Variants in ZNF385D observed in about 807,000 individuals in gnomAD.
The protein encoded by ZNF385D is zinc finger protein 385D.
ZNF385D carries 15 observed loss-of-function variants against 35.8 expected under a neutral mutation model. The observed-to-expected ratio is 0.42, with a 90% CI of 0.28 to 0.64. The LOEUF (loss-of-function observed/expected upper bound fraction) is 0.64, where lower values mean the gene tolerates loss of function less well. Among genes scored for constraint, ZNF385D ranks in the 30% least tolerant of loss-of-function variants. The pLI is 0.23. For missense variants in ZNF385D, 474 were observed against 494.6 expected (o/e 0.96, Z 0.39); for synonymous variants, 212 against 186.8 (o/e 1.13, Z -1.10).
intron 3 of ZNF385D, among the ~76,000 whole-genome samples, chr3:21,976,326 G>A (rs1163810789): frequency 2.0e-5 from 3 of 151,976 alleles, no homozygotes; most frequent in Non-Finnish European, 4.4e-5. Flanking sequence ...AAATACTACA[G>A]TAATAAGAAA....
chr3:21,636,413 T>TAG (rs1553628039), intron 2 of ZNF385D, among the ~76,000 whole-genome samples: 10 of 25,630 alleles, frequency 3.9e-4, no homozygotes, highest in East Asian at 1.3e-3. Context: ...TATATATATA[T>TAG]AGAGTTTCTT....
At chr3:21,808,668 A>G (rs188044666) in intron 3 of ZNF385D, among the ~76,000 whole-genome samples, 4 of 152,154 alleles carry the variant, frequency 2.6e-5, no homozygotes, top group Admixed American at 2.0e-4. Flanking sequence ...GGGGCAAATC[A>G]CCTCTTTTCC....
At chr3:21,507,544 T>G (rs1706871334) in intron 4 of ZNF385D, among the ~76,000 whole-genome samples, 2 of 152,162 alleles carry the variant, frequency 1.3e-5, no homozygotes, top group Admixed American at 1.3e-4. Flanking sequence ...GATTCTAGAG[T>G]CTTATCTACC....
At chr3:21,744,363 T>C (rs1400219836) in intron 1 of ZNF385D, among the ~76,000 whole-genome samples, 1 of 152,208 alleles carries the variant, frequency 6.6e-6, no homozygotes, top group Non-Finnish European at 1.5e-5. Flanking sequence ...CCACTTTCCC[T>C]CATCAGCAAA....
At chr3:21,582,011 AT>A in intron 2 of ZNF385D, among the ~76,000 whole-genome samples, 2 of 152,214 alleles carry the variant, frequency 1.3e-5, no homozygotes, top group African/African-American at 4.8e-5. Flanking sequence ...TCTTCCACCA[AT>A]AAATAATTTT....
chr3:22,034,588 CAT>C, intron 3 of ZNF385D, among the ~76,000 whole-genome samples: 1 of 152,096 alleles, frequency 6.6e-6, no homozygotes, highest in East Asian at 1.9e-4. Flanking sequence ...GTATTAATAT[CAT>C]ATATTTAAGA....
At chr3:22,326,038 C>T (rs549424804) in intron 2 of ZNF385D, among the ~76,000 whole-genome samples, 1 of 152,292 alleles carries the variant, frequency 6.6e-6, no homozygotes, top group East Asian at 1.9e-4. Context: ...TCCCTCCTCC[C>T]TGTCTCCAAT....
At chr3:21,913,394 A>G (rs1700057279) in intron 3 of ZNF385D, among the ~76,000 whole-genome samples, 1 of 152,018 alleles carries the variant, frequency 6.6e-6, no homozygotes, top group Non-Finnish European at 1.5e-5. Context: ...CATTTCCCCA[A>G]CCTGATGTTA....
chr3:22,122,893 A>G (rs564547843), intron 3 of ZNF385D, among the ~76,000 whole-genome samples: 3 of 152,360 alleles, frequency 2.0e-5, no homozygotes, highest in East Asian at 3.9e-4. Flanking sequence ...GTAAAGCAGT[A>G]TGGGTGAACG....
intron 3 of ZNF385D, among the ~76,000 whole-genome samples, chr3:21,956,860 T>C (rs1230669257): frequency 2.6e-5 from 4 of 151,796 alleles, no homozygotes; most frequent in Non-Finnish European, 5.9e-5. Context: ...ACAGTCTCTC[T>C]CCATCAGGTG....
intron 2 of ZNF385D, among the ~76,000 whole-genome samples, chr3:22,355,781 C>G (rs531328903): frequency 1.3e-5 from 2 of 151,908 alleles, no homozygotes; most frequent in East Asian, 1.9e-4. Context: ...TGTCCTTAAC[C>G]CAAGGAATAA....
At chr3:22,294,760 A>C (rs1702480606) in intron 2 of ZNF385D, among the ~76,000 whole-genome samples, 1 of 152,142 alleles carries the variant, frequency 6.6e-6, no homozygotes, top group African/African-American at 2.4e-5. Context: ...ATGTTGTAAG[A>C]ATTCAAAATT....
chr3:21,743,622 C>T (rs1185868205), intron 1 of ZNF385D, among the ~76,000 whole-genome samples: 4 of 152,228 alleles, frequency 2.6e-5, no homozygotes, highest in Non-Finnish European at 5.9e-5. Flanking sequence ...GCTCTCACAT[C>T]TTCCTTTTCT....
chr3:21,619,403 CGTGT>C (rs1381094841), intron 2 of ZNF385D, among the ~76,000 whole-genome samples: 4 of 140,582 alleles, frequency 2.8e-5, no homozygotes, highest in African/African-American at 1.2e-4. Flanking sequence ...TAGTTGTCAT[CGTGT>C]GTGTGCGTGT....
At chr3:21,869,862 G>A (rs1464185982) in intron 3 of ZNF385D, among the ~76,000 whole-genome samples, 2 of 152,026 alleles carry the variant, frequency 1.3e-5, no homozygotes, top group Non-Finnish European at 2.9e-5. Context: ...AATAAAGTAG[G>A]TGTGGTTCTC....
intron 3 of ZNF385D, among the ~76,000 whole-genome samples, chr3:21,965,094 C>G (rs678506): frequency 0.98 from 148,697 of 152,218 alleles, 72,647 homozygotes; most frequent in East Asian, 1. Flanking sequence ...ATTTTAGAGA[C>G]TGAACACAGT....
intron 3 of ZNF385D, among the ~76,000 whole-genome samples, chr3:21,786,022 C>CCT (rs2071674987): frequency 6.7e-6 from 1 of 148,640 alleles, no homozygotes; most frequent in African/African-American, 2.5e-5. Flanking sequence ...TTACTTTACC[C>CCT]TTTTTTTTTT....
chr3:22,021,802 G>C (rs1365123008), intron 3 of ZNF385D, among the ~76,000 whole-genome samples: 5 of 151,990 alleles, frequency 3.3e-5, no homozygotes, highest in African/African-American at 1.2e-4. Flanking sequence ...AATGTTTTGG[G>C]GAGCTTCAGG....
At chr3:21,803,461 C>T (rs2125690222) in intron 3 of ZNF385D, among the ~76,000 whole-genome samples, 1 of 152,136 alleles carries the variant, frequency 6.6e-6, no homozygotes, top group South Asian at 2.1e-4. Context: ...TAACTGCAAA[C>T]TAATATGATT....
Sources: allele counts gnomAD v4.1 joint callset (sites outside exome capture counted in the v4.1 genomes callset), GRCh38; gene constraint gnomAD v4.1.1; transcripts MANE v1.5; gene names NCBI Gene and HGNC (gene_info 2026-07-23, HGNC 2026-07-21).